Variants in PCSK5 observed in about 807,000 individuals in gnomAD.
The protein encoded by PCSK5 is proprotein convertase subtilisin/kexin type 5, also known as prohormone convertase 5.
In PCSK5, 129 loss-of-function variants were observed where a neutral mutation model predicts 233.2. That is an observed-to-expected ratio of 0.55 (90% CI 0.48 to 0.64). The LOEUF (loss-of-function observed/expected upper bound fraction) is 0.64, where lower values mean the gene tolerates loss of function less well. PCSK5 is among the 30% of genes least tolerant of loss of function. The pLI, the probability that PCSK5 is intolerant of heterozygous loss-of-function variation, is 0.00. For missense variants in PCSK5, 2,076 were observed against 2,430.1 expected, an observed-to-expected ratio of 0.85 and a Z score of 3.06; for synonymous variants, 825 against 879.2, an observed-to-expected ratio of 0.94 and a Z score of 1.09.
At chr9:75,934,304 A>G (rs1325819405) in intron 2 of PCSK5, among the ~76,000 whole-genome samples, 2 of 152,218 alleles carry the variant, frequency 1.3e-5, no homozygotes, top group Non-Finnish European at 2.9e-5. Context: ...TTTACACAGG[A>G]CAGCCACGGT....
rs1036786616 is a variant in PCSK5 at position 76,351,428 on chromosome 9, C to T, written c.5067+500C>T. On this transcript the variant is annotated intron_variant, in intron 36 of 37. Coordinates refer to ENST00000674117, the MANE Select transcript of PCSK5 (RefSeq NM_001372043.1). ...CTGGTTTCTACCAGAAACCGCCCCC[C>T]CCTGCAATGTGAAAGAAAGGAAAGA... Among the ~76,000 whole-genome samples, 13 of 104,668 alleles carry T rather than the reference C, an allele frequency of 1.2e-4. 1 individual carries two copies. Among genetic ancestry groups the T allele is most frequent in the East Asian group, 8.9e-4 (3 of 3,380 alleles). The allele number at this position is 104,668 out of a possible 152,430, so 68.7% of individuals were successfully genotyped here. A position where few individuals can be genotyped will look rare whatever the true frequency, so the allele number is the denominator to read the frequency against.
At chr9:76,350,199 G>A (rs1830083861) in intron 35 of PCSK5, among the ~76,000 whole-genome samples, 1 of 151,890 alleles carries the variant, frequency 6.6e-6, no homozygotes, top group Admixed American at 6.6e-5. Context: ...ATGTAACCCT[G>A]GATAGGTGAC....
intron 2 of PCSK5, among the ~76,000 whole-genome samples, chr9:75,954,446 G>A (rs1290701490): frequency 6.6e-6 from 1 of 152,150 alleles, no homozygotes; most frequent in African/African-American, 2.4e-5. Context: ...AGAGGAAACT[G>A]ATGAGGCACC....
chr9:75,928,620 T>TAC (rs1823624220), intron 1 of PCSK5, among the ~76,000 whole-genome samples: 2 of 113,052 alleles, frequency 1.8e-5, no homozygotes, highest in African/African-American at 3.9e-5. Flanking sequence ...TATATATATA[T>TAC]ATATATATAT....
At chr9:76,119,693 G>A (rs1832560569) in intron 9 of PCSK5, among the ~76,000 whole-genome samples, 5 of 151,630 alleles carry the variant, frequency 3.3e-5, no homozygotes, top group African/African-American at 1.2e-4. Flanking sequence ...ATATTTATGG[G>A]GTCCATGAGG....
intron 2 of PCSK5, among the ~76,000 whole-genome samples, chr9:75,949,483 G>T (rs1824741873): frequency 6.6e-6 from 1 of 151,736 alleles, no homozygotes; most frequent in Admixed American, 6.6e-5. Context: ...TGTTTATTTT[G>T]CCAATATTTA....
At chr9:75,903,245 G>A (rs558255556) in intron 1 of PCSK5, among the ~76,000 whole-genome samples, 1 of 152,078 alleles carries the variant, frequency 6.6e-6, no homozygotes, top group South Asian at 2.1e-4. Flanking sequence ...ATTATTTATA[G>A]ATTGCTCTAT....
chr9:76,238,184 A>G (rs755908696), intron 22 of PCSK5, among the ~76,000 whole-genome samples: 2 of 152,262 alleles, frequency 1.3e-5, no homozygotes, highest in Admixed American at 6.5e-5. Flanking sequence ...CTCTAGATGC[A>G]TCAGTAGTCA....
chr9:75,956,281 C>G (rs1283242498), intron 2 of PCSK5, among the ~76,000 whole-genome samples: 1 of 152,196 alleles, frequency 6.6e-6, no homozygotes, highest in East Asian at 1.9e-4. Context: ...ACTCTTTTAT[C>G]TAGTTTAATC....
intron 3 of PCSK5, among the ~76,000 whole-genome samples, chr9:75,989,851 G>A (rs751367673): frequency 6.6e-6 from 1 of 152,050 alleles, no homozygotes; most frequent in African/African-American, 2.4e-5. Context: ...ATGAGTCAAC[G>A]CTGATTCAAT....
intron 1 of PCSK5, among the ~76,000 whole-genome samples, chr9:75,896,231 T>C (rs1413947440): frequency 6.6e-6 from 1 of 152,200 alleles, no homozygotes; most frequent in Non-Finnish European, 1.5e-5. Flanking sequence ...GGTCTGGTGA[T>C]GGCGTGTCTG....
intron 5 of PCSK5, among the ~76,000 whole-genome samples, chr9:76,031,031 C>G (rs1828633575): frequency 6.6e-6 from 1 of 152,134 alleles, no homozygotes; most frequent in Admixed American, 6.5e-5. Flanking sequence ...CACTCCCTGC[C>G]TCTGTTTTAT....
intron 27 of PCSK5, 65 bp from the exon 28 acceptor site, chr9:76,302,072 A>G (rs1828625474): frequency 1.4e-6 from 1 of 719,586 alleles, no homozygotes; most frequent in Admixed American, 3.4e-5. Context: ...TTATAGGTGA[A>G]GTTTATCTTC....
At chr9:76,198,822 A>T (rs186496715) in intron 20 of PCSK5, among the ~76,000 whole-genome samples, 2 of 152,324 alleles carry the variant, frequency 1.3e-5, no homozygotes, top group East Asian at 3.9e-4. Flanking sequence ...TACAATGTGA[A>T]TCCGTTTAAG....
At chr9:76,319,570 C>T (rs1391346776) in intron 30 of PCSK5, among the ~76,000 whole-genome samples, 1 of 152,010 alleles carries the variant, frequency 6.6e-6, no homozygotes, top group Non-Finnish European at 1.5e-5. Flanking sequence ...CGCTTGAGGG[C>T]TCCTTGGTCG....
chr9:76,063,792 T>C (rs1210986623), intron 5 of PCSK5, among the ~76,000 whole-genome samples: 1 of 33,478 alleles, frequency 3.0e-5, no homozygotes, highest in South Asian at 2.1e-3. Flanking sequence ...CCCGCCTTTC[T>C]ATTCCACAAA....
chr9:76,133,200 G>A (rs1402995326), intron 9 of PCSK5, among the ~76,000 whole-genome samples: 2 of 152,080 alleles, frequency 1.3e-5, no homozygotes, highest in African/African-American at 4.8e-5. Flanking sequence ...CATGAAAATT[G>A]TCATATTTCT....
At chr9:76,183,950 A>G (rs1823985669) in intron 16 of PCSK5, among the ~76,000 whole-genome samples, 1 of 152,146 alleles carries the variant, frequency 6.6e-6, no homozygotes, top group African/African-American at 2.4e-5. Flanking sequence ...AACAACCATA[A>G]ATTTGCCAAC....
intron 24 of PCSK5, among the ~76,000 whole-genome samples, chr9:76,272,501 G>A (rs150445329): frequency 2.4e-4 from 36 of 152,088 alleles, no homozygotes; most frequent in African/African-American, 7.7e-4. Flanking sequence ...CCAGCCAGGC[G>A]CAGTGGCTCA....
Sources: allele counts gnomAD v4.1 joint callset (sites outside exome capture counted in the v4.1 genomes callset), GRCh38; gene constraint gnomAD v4.1.1; transcripts MANE v1.5; gene names NCBI Gene and HGNC (gene_info 2026-07-23, HGNC 2026-07-21).